The following CAPS2 variants were observed in gnomAD, a reference collection of about 807,000 sequenced individuals.
CAPS2 encodes calcyphosine 2, also known as calcyphosin-2.
CAPS2 carries 98 observed loss-of-function variants against 86.5 expected under a neutral mutation model. That is an observed-to-expected ratio of 1.13 (90% confidence interval 0.96 to 1.34). CAPS2 has a LOEUF of 1.34. CAPS2 is among the 40% of genes most tolerant of loss of function. The pLI is 0.00. For missense variants in CAPS2, 729 were observed against 686.8 expected (o/e 1.06, Z -0.69); for synonymous variants, 210 against 225.1 (o/e 0.93, Z 0.60).
chr12:75,317,153 T>G (rs1485239172), intron 5 of CAPS2, among the ~76,000 whole-genome samples: 1 of 152,172 alleles, frequency 6.6e-6, no homozygotes, highest in Non-Finnish European at 1.5e-5. Context: ...ATTTATTGCT[T>G]GCCTCTCCTA....
chr12:75,302,939 G>C (rs1018152753), intron 8 of CAPS2, among the ~76,000 whole-genome samples: 1 of 152,280 alleles, frequency 6.6e-6, no homozygotes, highest in South Asian at 2.1e-4. Flanking sequence ...GTAAATTTCA[G>C]CAACCAGTTG....
At chr12:75,378,347 T>C (rs1258491890) in intron 1 of CAPS2, among the ~76,000 whole-genome samples, 1 of 152,076 alleles carries the variant, frequency 6.6e-6, no homozygotes, top group African/African-American at 2.4e-5. Flanking sequence ...TATATTTAAG[T>C]CTGCTTACAT....
upstream of CAPS2, chr12:75,333,815 T>G (rs1313073726): frequency 6.6e-6 from 1 of 152,216 alleles, no homozygotes; most frequent in East Asian, 1.9e-4. Context: ...TAAAGGTATT[T>G]ATTTGAAACA....
chr12:75,290,921 C>G (rs2035726293), intron 13 of CAPS2, among the ~76,000 whole-genome samples: 1 of 60,490 alleles, frequency 1.7e-5, no homozygotes, highest in Admixed American at 1.7e-4. Context: ...AAGGCTCTCT[C>G]TCAAAAAAAA....
At chr12:75,351,550 GT>G (rs1175807861) in intron 1 of CAPS2, among the ~76,000 whole-genome samples, 2,580 of 131,012 alleles carry the variant, frequency 0.02, 57 homozygotes, top group African/African-American at 0.065. Context: ...GTTTTGTTTT[GT>G]TTTTTTTTTT....
At chr12:75,293,981 G>T (rs547878855) in intron 11 of CAPS2, among the ~76,000 whole-genome samples, 1 of 151,950 alleles carries the variant, frequency 6.6e-6, no homozygotes, top group Non-Finnish European at 1.5e-5. Context: ...CGCCCAGGCC[G>T]CAGTGCAGTG....
intron 1 of CAPS2, among the ~76,000 whole-genome samples, chr12:75,364,486 G>A (rs984989181): frequency 6.6e-6 from 1 of 152,138 alleles, no homozygotes; most frequent in African/African-American, 2.4e-5. Flanking sequence ...TATTGCCAAG[G>A]GACCTAGATC....
exon 7 of CAPS2, chr12:75,312,889 T>C (rs146909299): frequency 2.5e-6 from 4 of 1,607,872 alleles, no homozygotes; most frequent in African/African-American, 1.3e-5. Flanking sequence ...CAACAATCTG[T>C]TTCTTCTTCT....
rs189129383 is a variant in CAPS2 at position 75,282,575 on chromosome 12, C to T, written c.1516-228G>A. On this transcript the variant is annotated intron_variant, in intron 15 of 16. Transcript: ENST00000393284. ...CTATTTTTTGTATTTTTAGTAGAGG[C>T]GGGGTTTCGCCATGTTGGTCAGGCT... Among the ~76,000 whole-genome samples, 562 of 152,078 alleles carry T rather than the reference C, an allele frequency of 3.7e-3. 3 individuals are homozygous for T. Among genetic ancestry groups the T allele is most frequent in the Admixed American group, 0.013 (206 of 15,266 alleles).
intron 7 of CAPS2, chr12:75,306,246 T>C: frequency 1.6e-6 from 1 of 639,156 alleles, no homozygotes. Context: ...ATGCAAATCA[T>C]GGAGTTCCTG....
chr12:75,296,322 C>T (rs929797466), intron 11 of CAPS2, among the ~76,000 whole-genome samples: 2 of 151,176 alleles, frequency 1.3e-5, no homozygotes, highest in Non-Finnish European at 2.9e-5. Flanking sequence ...GACAGAGTCT[C>T]GCTCTGTCAC....
chr12:75,281,647 A>G (rs573946144), intron 16 of CAPS2, among the ~76,000 whole-genome samples: 13 of 152,238 alleles, frequency 8.5e-5, no homozygotes, highest in Admixed American at 7.2e-4. Context: ...TATATGCTAA[A>G]TGATAATTTT....
At chr12:75,276,659 C>T, downstream of CAPS2, 4 of 830,438 alleles carry the variant, frequency 4.8e-6, no homozygotes, top group Non-Finnish European at 5.8e-6. Flanking sequence ...AATGTTTTTC[C>T]TTAAAATTCT....
chr12:75,311,699 G>GAAAAAAAAAAAAAAAAAA (rs764314438), intron 7 of CAPS2, among the ~76,000 whole-genome samples: 1 of 16,994 alleles, frequency 5.9e-5, no homozygotes, highest in African/African-American at 1.2e-4. Context: ...AAGCCATGCA[G>GAAAAAAAAAAAAAAAAAA]GAAAAAAAAA....
intron 5 of CAPS2, among the ~76,000 whole-genome samples, chr12:75,319,982 T>C (rs1178079920): frequency 6.6e-6 from 1 of 152,146 alleles, no homozygotes; most frequent in African/African-American, 2.4e-5. Flanking sequence ...AAAATTATTA[T>C]ACAGAGAATC....
chr12:75,280,353 A>G (rs1034144824), intron 16 of CAPS2, among the ~76,000 whole-genome samples: 1 of 151,892 alleles, frequency 6.6e-6, no homozygotes, highest in African/African-American at 2.4e-5. Context: ...TCTTTGAAAT[A>G]CAGTGACAAG....
chr12:75,329,738 C>T, upstream of CAPS2: 1 of 1,073,500 alleles, frequency 9.3e-7, no homozygotes, highest in Non-Finnish European at 1.3e-6. Flanking sequence ...TGAATTGAAA[C>T]TTAGGTCATT....
chr12:75,356,367 C>T (rs1450088216), intron 1 of CAPS2, among the ~76,000 whole-genome samples: 1 of 151,950 alleles, frequency 6.6e-6, no homozygotes, highest in African/African-American at 2.4e-5. Context: ...TTATTTAATT[C>T]TCTTTCAAAG....
intron 1 of CAPS2, among the ~76,000 whole-genome samples, chr12:75,341,036 A>G (rs986831709): frequency 6.6e-6 from 1 of 152,148 alleles, no homozygotes; most frequent in African/African-American, 2.4e-5. Context: ...CTTACAAAAA[A>G]AAAAAGAACA....
Sources: gnomAD v4.1 joint callset for allele counts (sites outside exome capture counted in the v4.1 genomes callset) on GRCh38, gnomAD v4.1.1 for gene constraint, MANE v1.5 for transcripts, NCBI Gene and HGNC (gene_info 2026-07-23, HGNC 2026-07-21) for gene names.